Variants in ATP2C2 observed in about 807,000 individuals in gnomAD.
ATP2C2 encodes the protein calcium-transporting ATPase type 2C member 2.
In ATP2C2, 171 loss-of-function variants were observed where a neutral mutation model predicts 110.8. That is an observed-to-expected ratio of 1.54 (90% CI 1.36 to 1.75). ATP2C2 has a LOEUF of 1.75. Among genes scored for constraint, ATP2C2 ranks in the 40% most tolerant of loss-of-function variants. The pLI is 0.00. For missense variants in ATP2C2, 1,963 were observed against 1,235.0 expected (o/e 1.59, Z -8.84); for synonymous variants, 804 against 508.4 (o/e 1.58, Z -7.82).
intron 6 of ATP2C2, among the ~76,000 whole-genome samples, chr16:84,412,651 C>T (rs1906479318): frequency 6.6e-6 from 1 of 152,032 alleles, no homozygotes; most frequent in Admixed American, 6.6e-5. Flanking sequence ...TTTAGCATAG[C>T]AGTGGTCCAT....
At chr16:84,385,320 T>C (rs1475145462) in intron 1 of ATP2C2, among the ~76,000 whole-genome samples, 1 of 152,146 alleles carries the variant, frequency 6.6e-6, no homozygotes, top group Non-Finnish European at 1.5e-5. Flanking sequence ...AGGACAGTAC[T>C]AAGGGGATAG....
chr16:84,389,666 C>T (rs74035981), intron 1 of ATP2C2, among the ~76,000 whole-genome samples: 20,448 of 151,612 alleles, frequency 0.13, 1,481 homozygotes, highest in East Asian at 0.23. Flanking sequence ...CCCTAAGGCC[C>T]TCAGTGCTCC....
chr16:84,373,119 CAA>C (rs34143321), intron 1 of ATP2C2, among the ~76,000 whole-genome samples: 8 of 103,884 alleles, frequency 7.7e-5, no homozygotes, highest in African/African-American at 8.6e-5. Context: ...GACTCCCTCT[CAA>C]AAAAAAAAAA....
chr16:84,400,838 A>G (rs1298013102), intron 2 of ATP2C2, among the ~76,000 whole-genome samples: 1 of 152,140 alleles, frequency 6.6e-6, no homozygotes, highest in Non-Finnish European at 1.5e-5. Flanking sequence ...GCACCTTTTC[A>G]TGTACCTGTT....
chr16:84,439,674 G>A, intron 13 of ATP2C2, 150 bp downstream of exon 13: 2 of 751,068 alleles, frequency 2.7e-6, no homozygotes, highest in Non-Finnish European at 4.4e-6. Flanking sequence ...GACTGATTTT[G>A]TTTTTAATCA....
chr16:84,460,560 C>G (rs754547607), intron 23 of ATP2C2, 94 bp from the exon 24 acceptor site: 6 of 1,578,460 alleles, frequency 3.8e-6, no homozygotes, highest in Non-Finnish European at 5.2e-6. Flanking sequence ...CCCCCTGTGC[C>G]AACTTGGCCT....
chr16:84,442,452 G>C, intron 14 of ATP2C2, 58 bp from the exon 15 acceptor site: 1 of 1,551,758 alleles, frequency 6.4e-7, no homozygotes, highest in Non-Finnish European at 8.9e-7. Context: ...GGCCCACAAT[G>C]TCTAACTTTT....
In ATP2C2 at chr16:84,459,056, C is replaced by T. The variant is rs919421; in HGVS notation, c.2148-64C>T. On this transcript the variant is annotated intron_variant, in intron 21 of 26. Transcript: ENST00000262429. ...AGTCACCACTGCCCCTTGCAGCAACCGATGCACTGGTCCAGCCCTCACGCA... is the reference window on the plus strand; with the variant it reads ...AGTCACCACTGCCCCTTGCAGCAACTGATGCACTGGTCCAGCCCTCACGCA... 3.4e-4 allele frequency: 532 copies of T among 1,563,676 alleles called. 1 individual carries two copies. The highest frequency in any genetic ancestry group is 4.4e-4 in the Non-Finnish European group (498 of 1,135,946).
At chr16:84,420,399 T>G (rs1214607636) in intron 7 of ATP2C2, among the ~76,000 whole-genome samples, 1 of 151,652 alleles carries the variant, frequency 6.6e-6, no homozygotes, top group Non-Finnish European at 1.5e-5. Context: ...TCCAAACGCC[T>G]TCTCCTCCTT....
chr16:84,408,198 G>A (rs1905947629), intron 3 of ATP2C2, among the ~76,000 whole-genome samples: 1 of 152,164 alleles, frequency 6.6e-6, no homozygotes, highest in South Asian at 2.1e-4. Flanking sequence ...GTCAGTACTG[G>A]GACCTGGGAG....
At chr16:84,455,033 A>C (rs748508421) in intron 21 of ATP2C2, 49 bp downstream of exon 21, 5 of 1,491,414 alleles carry the variant, frequency 3.4e-6, no homozygotes, top group Non-Finnish European at 3.6e-6. Context: ...GCCTGGGGTC[A>C]CCAGCTTCTC....
At position 84,422,507 on chromosome 16, in the gene ATP2C2, A is replaced by T. The variant is rs1205978980; in HGVS notation, c.742A>T (p.Met248Leu). 1 of 1,614,098 alleles carries T rather than the reference A, an allele frequency of 6.2e-7. No individual in the cohort carries two copies. The highest frequency in any genetic ancestry group is 8.5e-7 in the Non-Finnish European group (1 of 1,180,016). Residue 248 changes from methionine to leucine, a missense_variant, in exon 8 of 27, where the codon ATG becomes TTG. Coordinates refer to ENST00000262429, the MANE Select transcript of ATP2C2 (RefSeq NM_014861.4). ...DLTTLSNIVF[M>L]GTLVQYGRGQ... ...CACCACCCTCAGCAACATCGTCTTC[A>T]TGGGGACCCTGGTGCAGTATGGGAG...
intron 23 of ATP2C2, chr16:84,460,363 G>C (rs567735621): frequency 2.5e-4 from 116 of 459,094 alleles, no homozygotes; most frequent in African/African-American, 2.1e-3. Context: ...GGGTCCCCTC[G>C]GGGTGATGGA....
At chr16:84,377,783 C>G (rs146466318) in intron 1 of ATP2C2, among the ~76,000 whole-genome samples, 2 of 152,156 alleles carry the variant, frequency 1.3e-5, no homozygotes, top group African/African-American at 4.8e-5. Flanking sequence ...TAGAAATTGA[C>G]TTGAAAGGTA....
Position 84,426,310 on chromosome 16 carries a change from C to T in ATP2C2, c.986+509C>T, listed in dbSNP as rs1907812023. ...CAGGAACTCACTCCAGCAAGAACGGCTCGAAGGAGATGGCGCTAATCCATT... is the reference window on the plus strand; with the variant it reads ...CAGGAACTCACTCCAGCAAGAACGGTTCGAAGGAGATGGCGCTAATCCATT... On this transcript the variant is annotated intron_variant, in intron 11 of 26. Transcript: ENST00000262429. 3.9e-5 allele frequency among the ~76,000 whole-genome samples: 6 copies of T among 152,132 alleles called. No homozygotes were observed. In the South Asian group the frequency reaches 1.0e-3, roughly 26 times the overall value.
At chr16:84,433,346 G>A (rs1226495443) in intron 11 of ATP2C2, among the ~76,000 whole-genome samples, 1 of 151,932 alleles carries the variant, frequency 6.6e-6, no homozygotes, top group African/African-American at 2.4e-5. Flanking sequence ...TCTTGCCACT[G>A]CACTCCAACC....
rs199784283 is a variant in ATP2C2 at position 84,448,653 on chromosome 16, C to A, written c.1624C>A (p.Gln542Lys). The A allele has an allele frequency of 1.9e-6, 3 of 1,613,884 alleles. No homozygotes were observed. The highest frequency in any genetic ancestry group is 1.7e-4 in the Middle Eastern group (1 of 6,056). ...GCCCCAGCAGAGGTCATTCTGCCTGCAGGAAGAGAAGAGGATGGGGTCGCT... is the reference window on the plus strand; with the variant it reads ...GCCCCAGCAGAGGTCATTCTGCCTGAAGGAAGAGAAGAGGATGGGGTCGCT... The part of the protein sequence containing the change: ...LTPQQRSFCL[Q>K]EEKRMGSLGL... The change falls in exon 17 of 27, where the codon CAG becomes AAG. Residue 542 changes from glutamine to lysine, a missense_variant. Gln to Lys is a moderately conservative substitution (Grantham distance 53). Coordinates refer to ENST00000262429, the MANE Select transcript of ATP2C2 (RefSeq NM_014861.4).
chr16:84,460,316 A>G, intron 23 of ATP2C2: 1 of 373,560 alleles, frequency 2.7e-6, no homozygotes, highest in South Asian at 2.5e-5. Context: ...CGGAGGGCGG[A>G]GCCTGGAGCC....
rs745571537 is a variant in ATP2C2, at chr16:84,460,814, C to T, written c.2481+13C>T. 6.9e-6 allele frequency: 11 copies of T among 1,603,634 alleles called. No individual in the cohort carries two copies. Among genetic ancestry groups the T allele is most frequent in the Non-Finnish European group, 8.5e-6 (10 of 1,173,500 alleles). On this transcript the variant is annotated intron_variant, in intron 24 of 26. Transcript: ENST00000262429. ...CTTCTGGAAGGAGGTGAGCGAGGGT[C>T]ACCCCGGCCTGTTCTCCAAGCCCTG...
Sources: allele counts gnomAD v4.1 joint callset (sites outside exome capture counted in the v4.1 genomes callset), GRCh38; gene constraint gnomAD v4.1.1; transcripts MANE v1.5; gene names NCBI Gene and HGNC (gene_info 2026-07-23, HGNC 2026-07-21).